FSHR: variants seen among roughly 807,000 people sequenced by gnomAD.
FSHR encodes follicle-stimulating hormone receptor.
FSHR carries 46 observed loss-of-function variants against 52.1 expected under a neutral mutation model. The ratio of observed to expected loss-of-function variants is 0.88; its 90% confidence interval spans 0.70 to 1.13. The LOEUF is 1.13. Among genes scored for constraint, FSHR ranks in the 50% most tolerant of loss-of-function variants. FSHR has a pLI of 0.00. For missense variants in FSHR, 964 were observed against 834.6 expected, an observed-to-expected ratio of 1.16 and a Z score of -1.91; for synonymous variants, 399 against 309.6, an observed-to-expected ratio of 1.29 and a Z score of -3.03.
chr2:49,021,863 C>CTATATATATATATATATA (rs1224896244), intron 2 of FSHR, among the ~76,000 whole-genome samples: 1 of 49,870 alleles, frequency 2.0e-5, no homozygotes, highest in African/African-American at 8.2e-5. Context: ...CTCTCTCTCT[C>CTATATATATATATATATA]TATATATATA....
intron 1 of FSHR, among the ~76,000 whole-genome samples, chr2:49,076,862 C>G (rs1168996479): frequency 6.6e-6 from 1 of 152,186 alleles, no homozygotes; most frequent in Non-Finnish European, 1.5e-5. Flanking sequence ...CTTTAAAACT[C>G]CAAAATGATC....
intron 2 of FSHR, among the ~76,000 whole-genome samples, chr2:49,046,756 C>T (rs895503649): frequency 4.6e-5 from 7 of 152,096 alleles, no homozygotes; most frequent in African/African-American, 1.7e-4. Context: ...TTTGTTGAAT[C>T]ATTGATTGGT....
At chr2:49,001,368 C>T (rs1666876328) in intron 4 of FSHR, among the ~76,000 whole-genome samples, 1 of 152,056 alleles carries the variant, frequency 6.6e-6, no homozygotes, top group Admixed American at 6.6e-5. Flanking sequence ...ACTCTGGCTC[C>T]CCTGCCTCTT....
At chr2:49,095,403 T>C (rs1670785042) in intron 1 of FSHR, among the ~76,000 whole-genome samples, 2 of 152,142 alleles carry the variant, frequency 1.3e-5, no homozygotes, top group Admixed American at 6.6e-5. Context: ...TAAATGGTGC[T>C]GGGACAACTA....
chr2:49,045,691 C>T (rs1477515181), intron 2 of FSHR, among the ~76,000 whole-genome samples: 3 of 152,110 alleles, frequency 2.0e-5, no homozygotes, highest in Non-Finnish European at 4.4e-5. Context: ...TTCTCTTTGG[C>T]GTGGAAAAGG....
chr2:49,097,237 A>G (rs768892055), intron 1 of FSHR, among the ~76,000 whole-genome samples: 2 of 151,876 alleles, frequency 1.3e-5, no homozygotes, highest in Non-Finnish European at 2.9e-5. Context: ...CTGGGCATAG[A>G]TTTCTTTGAA....
At chr2:49,011,010 T>G (rs1667249988) in intron 4 of FSHR, among the ~76,000 whole-genome samples, 1 of 151,286 alleles carries the variant, frequency 6.6e-6, no homozygotes, top group Non-Finnish European at 1.5e-5. Flanking sequence ...TTGAAGGGTT[T>G]TTTGTGTCTC....
intron 1 of FSHR, among the ~76,000 whole-genome samples, chr2:49,084,054 A>G (rs892774784): frequency 2.0e-5 from 3 of 151,712 alleles, no homozygotes; most frequent in African/African-American, 7.3e-5. Context: ...TTTTTTCAGC[A>G]CCACACCACA....
At chr2:49,015,592 T>G (rs191275753) in intron 4 of FSHR, among the ~76,000 whole-genome samples, 2 of 152,278 alleles carry the variant, frequency 1.3e-5, no homozygotes, top group Non-Finnish European at 1.5e-5. Context: ...ACTTTCTGAT[T>G]CTGAGGTGCA....
chr2:49,146,098 C>T (rs1241170396), intron 1 of FSHR, among the ~76,000 whole-genome samples: 1 of 151,824 alleles, frequency 6.6e-6, no homozygotes, highest in Non-Finnish European at 1.5e-5. Context: ...GCATGTGTAC[C>T]CACAGAGGAA....
chr2:48,972,538 CT>C (rs1381721405), intron 8 of FSHR, among the ~76,000 whole-genome samples: 1 of 152,182 alleles, frequency 6.6e-6, no homozygotes, highest in Non-Finnish European at 1.5e-5. Context: ...TTTCTGGTTT[CT>C]CTCTTTTGGC....
chr2:49,127,830 C>A (rs7568182), intron 1 of FSHR, among the ~76,000 whole-genome samples: 70 of 21,022 alleles, frequency 3.3e-3, no homozygotes, highest in Middle Eastern at 0.022. Flanking sequence ...CTTCTTCTTC[C>A]TCTTCTTCTT....
At chr2:49,068,774 G>A (rs970722493) in intron 1 of FSHR, among the ~76,000 whole-genome samples, 3 of 152,004 alleles carry the variant, frequency 2.0e-5, no homozygotes, top group Non-Finnish European at 2.9e-5. Context: ...CTGTACCTGT[G>A]CTTTATACAC....
chr2:48,978,951 GC>G (rs1330125879), intron 8 of FSHR, among the ~76,000 whole-genome samples: 1 of 152,184 alleles, frequency 6.6e-6, no homozygotes, highest in Non-Finnish European at 1.5e-5. Flanking sequence ...AAAGGACTGA[GC>G]CAGTGAGGGA....
chr2:49,055,871 GA>G lies in FSHR; in HGVS notation c.224+12347del, dbSNP rs770245221. 2.0e-4 allele frequency among the ~76,000 whole-genome samples: 30 copies of G among 152,008 alleles called. 1 individual carries two copies. Among genetic ancestry groups the G allele is most frequent in the Non-Finnish European group, 1.3e-4 (9 of 67,936 alleles). On this transcript the variant is annotated intron_variant, in intron 2 of 9. Coordinates refer to ENST00000406846, the MANE Select transcript of FSHR (RefSeq NM_000145.4). Reference sequence around the variant, plus strand: ...TGGACAAGAAAAAAATAAGGGAATTGATCACAACTAGACCTGCCAAACAAGA... The same window carrying G: ...TGGACAAGAAAAAAATAAGGGAATTGTCACAACTAGACCTGCCAAACAAGA...
chr2:48,983,181 C>A lies in FSHR; in HGVS notation c.525-15G>T, dbSNP rs572212951. On this transcript the variant is annotated splice_polypyrimidine_tract_variant and intron_variant, in intron 6 of 9. Transcript: ENST00000406846. ...TATTCAGCCATCTGAAATAAAAGGCCTATTAAAAAACCAATAATGTCAGAT... is the reference window on the plus strand; with the variant it reads ...TATTCAGCCATCTGAAATAAAAGGCATATTAAAAAACCAATAATGTCAGAT... The A allele has an allele frequency of 2.5e-6, 4 of 1,612,430 alleles. No individual in the cohort carries two copies. In the African/African-American group the frequency reaches 5.3e-5, roughly 22 times the overall value.
chr2:49,046,958 C>A (rs988513702), intron 2 of FSHR, among the ~76,000 whole-genome samples: 4 of 152,154 alleles, frequency 2.6e-5, no homozygotes, highest in African/African-American at 9.7e-5. Context: ...ACTCTGTGAA[C>A]CTTGATAAAT....
chr2:49,027,850 CAAAAAAAAA>C (rs397868435), intron 2 of FSHR, among the ~76,000 whole-genome samples: 4 of 49,974 alleles, frequency 8.0e-5, no homozygotes, highest in African/African-American at 2.8e-4. Context: ...ACTCTTTCTC[CAAAAAAAAA>C]AAAAAAAAAA....
chr2:49,118,453 A>C (rs1017329151), intron 1 of FSHR, among the ~76,000 whole-genome samples: 1 of 152,214 alleles, frequency 6.6e-6, no homozygotes, highest in Non-Finnish European at 1.5e-5. Context: ...TTCACATGGC[A>C]GCAGTGGGAC....
Sources: allele counts gnomAD v4.1 joint callset (sites outside exome capture counted in the v4.1 genomes callset), GRCh38; gene constraint gnomAD v4.1.1; transcripts MANE v1.5; gene names NCBI Gene and HGNC (gene_info 2026-07-23, HGNC 2026-07-21).